Variants in SAMSN1 observed in about 807,000 individuals in gnomAD.
SAMSN1 encodes SAM domain-containing protein SAMSN-1.
Under a neutral mutation model 42.0 loss-of-function variants are expected in SAMSN1, and 31 were observed. The observed-to-expected ratio is 0.74, with a 90% CI of 0.55 to 1.00. The LOEUF is 1.00. Among genes scored for constraint, SAMSN1 ranks in the 50% least tolerant of loss-of-function variants. The pLI is 0.00. For synonymous variants in SAMSN1, 178 were observed against 151.9 expected (o/e 1.17, Z -1.26); for missense variants, 464 against 439.4 (o/e 1.06, Z -0.50).
chr21:14,498,687 G>T, intron 6 of SAMSN1, 95 bp from the exon 7 acceptor site: 1 of 955,856 alleles, frequency 1.0e-6, no homozygotes, highest in Non-Finnish European at 1.5e-6. Context: ...ATGCACATGG[G>T]GACCAAAGGT....
intron 1 of SAMSN1, among the ~76,000 whole-genome samples, chr21:14,648,808 T>C (rs1403017239): frequency 1.3e-5 from 2 of 152,058 alleles, no homozygotes. Context: ...AGGAACACTT[T>C]TACACTGTGG....
At chr21:14,612,740 T>C (rs570539061) in intron 4 of SAMSN1, 4 of 660,758 alleles carry the variant, frequency 6.1e-6, no homozygotes, top group African/African-American at 5.4e-5. Context: ...TAAAAAATGT[T>C]CTTCTATATA....
At chr21:14,638,921 A>T (rs1338414865) in intron 2 of SAMSN1, among the ~76,000 whole-genome samples, 2 of 152,240 alleles carry the variant, frequency 1.3e-5, no homozygotes, top group East Asian at 3.8e-4. Context: ...CTCCATTATT[A>T]TTAAGACTTT....
intron 2 of SAMSN1, among the ~76,000 whole-genome samples, chr21:14,569,563 A>T (rs1469124608): frequency 6.6e-6 from 1 of 152,174 alleles, no homozygotes; most frequent in Non-Finnish European, 1.5e-5. Context: ...ACAGCCAGCA[A>T]AACTCCCAAG....
At chr21:14,642,142 T>A (rs946304650) in intron 2 of SAMSN1, among the ~76,000 whole-genome samples, 1 of 152,160 alleles carries the variant, frequency 6.6e-6, no homozygotes, top group African/African-American at 2.4e-5. Flanking sequence ...ATAGGAGCAG[T>A]TGTGGCGAAA....
intron 2 of SAMSN1, among the ~76,000 whole-genome samples, chr21:14,629,640 AG>A (rs979621670): frequency 6.6e-6 from 1 of 152,136 alleles, no homozygotes; most frequent in African/African-American, 2.4e-5. Flanking sequence ...CTCTCATCGC[AG>A]GGCAGGTCCT....
chr21:14,544,198 G>A (rs1046338073), intron 1 of SAMSN1, among the ~76,000 whole-genome samples: 5 of 152,086 alleles, frequency 3.3e-5, no homozygotes, highest in Admixed American at 2.6e-4. Context: ...CTACATGCAC[G>A]TGCCACCATG....
chr21:14,539,631 A>G (rs1979872178), intron 1 of SAMSN1, among the ~76,000 whole-genome samples: 4 of 151,978 alleles, frequency 2.6e-5, no homozygotes, highest in Admixed American at 2.0e-4. Context: ...CCATTGCTCA[A>G]TGAAATAAAA....
intron 1 of SAMSN1, among the ~76,000 whole-genome samples, chr21:14,533,674 A>G (rs1219489768): frequency 6.6e-6 from 1 of 152,252 alleles, no homozygotes; most frequent in Non-Finnish European, 1.5e-5. Flanking sequence ...AAATGGCAAT[A>G]CTAACCAAGC....
intron 2 of SAMSN1, among the ~76,000 whole-genome samples, chr21:14,623,625 G>A (rs560028009): frequency 1.3e-5 from 2 of 152,110 alleles, no homozygotes; most frequent in Non-Finnish European, 2.9e-5. Flanking sequence ...GATTCATAAA[G>A]CAAGTCCTTA....
chr21:14,534,668 A>C (rs1302002932), intron 1 of SAMSN1, among the ~76,000 whole-genome samples: 1 of 152,090 alleles, frequency 6.6e-6, no homozygotes, highest in African/African-American at 2.4e-5. Flanking sequence ...GGTGCCCGCC[A>C]CCAGAAGGAG....
intron 2 of SAMSN1, among the ~76,000 whole-genome samples, chr21:14,618,026 T>A (rs1205190923): frequency 6.6e-6 from 1 of 152,228 alleles, no homozygotes; most frequent in Non-Finnish European, 1.5e-5. Context: ...TGGAGACATC[T>A]GGACTGAGAT....
intron 1 of SAMSN1, among the ~76,000 whole-genome samples, chr21:14,525,036 T>A (rs914040229): frequency 6.6e-6 from 1 of 152,330 alleles, no homozygotes; most frequent in African/African-American, 2.4e-5. Context: ...ACTAAATAGT[T>A]CATCAACTAA....
intron 2 of SAMSN1, among the ~76,000 whole-genome samples, chr21:14,517,545 T>A (rs1482612976): frequency 6.6e-6 from 1 of 152,208 alleles, no homozygotes; most frequent in Non-Finnish European, 1.5e-5. Context: ...GTTAATTAAA[T>A]CCACTGAGAA....
chr21:14,615,323 A>G (rs1982807840), intron 3 of SAMSN1, among the ~76,000 whole-genome samples: 1 of 151,710 alleles, frequency 6.6e-6, no homozygotes, highest in Admixed American at 6.6e-5. Context: ...TAAAAAAGAA[A>G]AAAAAAGGAA....
rs1296105964 is a variant in SAMSN1, at chr21:14,510,216, C to G, written c.561+94G>C. ...CTTCTACTGTTGGGAAGAACACACT[C>G]ACACTGTCTTCCCACTGCTTATACT... On this transcript the variant is annotated intron_variant, in intron 5 of 7. Transcript: ENST00000400566. The G allele has an allele frequency of 5.9e-6, 7 of 1,191,224 alleles. No individual in the cohort carries two copies. In the African/African-American group the frequency reaches 1.0e-4, roughly 18 times the overall value. The allele number at this position is 1,191,224 out of a possible 1,614,324, so 73.8% of individuals were successfully genotyped here.
rs117817707 is a variant in SAMSN1, at chr21:14,658,055, A to C, written c.24+693T>G. On this transcript the variant is annotated intron_variant, in intron 1 of 15. Coordinates refer to the SAMSN1 transcript ENST00000647101. Reference sequence around the variant, plus strand: ...TGCCCTGCTGTAAACACAGAAATGAATAAAATTATTTTTGAAATCCATTTT... The same window carrying C: ...TGCCCTGCTGTAAACACAGAAATGACTAAAATTATTTTTGAAATCCATTTT... Among the ~76,000 whole-genome samples the C allele has an allele frequency of 7.8e-3, 1,188 of 151,984 alleles. 14 individuals are homozygous for C. The highest frequency in any genetic ancestry group is 0.012 in the Non-Finnish European group (812 of 67,832).
intron 1 of SAMSN1, chr21:14,643,195 C>A (rs1005727333): frequency 1.4e-6 from 1 of 701,716 alleles, no homozygotes. Flanking sequence ...TTAAAAGGTA[C>A]CTAATTTATA....
intron 5 of SAMSN1, among the ~76,000 whole-genome samples, chr21:14,605,854 T>G (rs1281403895): frequency 6.7e-6 from 1 of 149,936 alleles, no homozygotes; most frequent in Non-Finnish European, 1.5e-5. Context: ...ATTTATTTAT[T>G]TTTTTGAGAT....
Sources: gnomAD v4.1 joint callset for allele counts (sites outside exome capture counted in the v4.1 genomes callset) on GRCh38, gnomAD v4.1.1 for gene constraint, MANE v1.5 for transcripts, NCBI Gene and HGNC (gene_info 2026-07-23, HGNC 2026-07-21) for gene names.